Variants in GRID2 observed in about 807,000 individuals in gnomAD.
GRID2 encodes glutamate receptor ionotropic, delta-2.
GRID2 carries 33 observed loss-of-function variants against 114.8 expected under a neutral mutation model. That is an observed-to-expected ratio of 0.29 (90% CI 0.22 to 0.38). GRID2 has a LOEUF of 0.38. Among genes scored for constraint, GRID2 ranks in the 10% least tolerant of loss-of-function variants. The pLI, the probability that GRID2 is intolerant of heterozygous loss-of-function variation, is 1.00. For synonymous variants in GRID2, 505 were observed against 449.9 expected (o/e 1.12, Z -1.55); for missense variants, 1,184 against 1,257.7 (o/e 0.94, Z 0.89).
chr4:93,286,557 C>T (rs1386848368), intron 8 of GRID2, among the ~76,000 whole-genome samples: 2 of 152,044 alleles, frequency 1.3e-5, no homozygotes, highest in African/African-American at 4.8e-5. Context: ...AAGCCTCACT[C>T]ACCAACAAAC....
chr4:92,365,414 G>A (rs1194167918), intron 1 of GRID2, among the ~76,000 whole-genome samples: 1 of 151,956 alleles, frequency 6.6e-6, no homozygotes, highest in African/African-American at 2.4e-5. Flanking sequence ...TCATTTATGT[G>A]TGGAATTTAA....
chr4:93,051,483 T>C (rs1351654138), intron 2 of GRID2, among the ~76,000 whole-genome samples: 2 of 152,140 alleles, frequency 1.3e-5, no homozygotes, highest in East Asian at 3.9e-4. Flanking sequence ...TTCCTTTTTA[T>C]CAGATGCTCT....
At chr4:92,565,605 T>TATA (rs1438320095) in intron 1 of GRID2, among the ~76,000 whole-genome samples, 1 of 151,990 alleles carries the variant, frequency 6.6e-6, no homozygotes, top group African/African-American at 2.4e-5. Context: ...ATAGCTAGAC[T>TATA]ATAATCTCTT....
chr4:93,742,292 C>T (rs1031266358), intron 14 of GRID2, among the ~76,000 whole-genome samples: 8 of 152,184 alleles, frequency 5.3e-5, no homozygotes, highest in African/African-American at 1.9e-4. Flanking sequence ...GCTTTGTCCT[C>T]ATGGATTAAG....
intron 1 of GRID2, among the ~76,000 whole-genome samples, chr4:92,493,127 C>CAAAAA (rs1043809824): frequency 2.1e-4 from 10 of 48,408 alleles, no homozygotes; most frequent in Non-Finnish European, 3.8e-4. Context: ...GACTCCATCT[C>CAAAAA]AAAAAAAAAA....
intron 2 of GRID2, among the ~76,000 whole-genome samples, chr4:92,743,266 G>C (rs1256602586): frequency 6.6e-6 from 1 of 152,160 alleles, no homozygotes; most frequent in East Asian, 1.9e-4. Flanking sequence ...AACAGAATGA[G>C]ACCCTGTCTC....
At chr4:93,548,709 G>A (rs1230304583) in intron 13 of GRID2, among the ~76,000 whole-genome samples, 1 of 152,124 alleles carries the variant, frequency 6.6e-6, no homozygotes, top group Non-Finnish European at 1.5e-5. Context: ...AGAAAGGGCA[G>A]AACTATCCAA....
intron 2 of GRID2, among the ~76,000 whole-genome samples, chr4:93,032,213 A>T (rs891546507): frequency 6.6e-6 from 1 of 152,148 alleles, no homozygotes; most frequent in African/African-American, 2.4e-5. Flanking sequence ...CATCTCAATT[A>T]TAAGTTATAT....
At chr4:92,457,442 G>T (rs1389819625) in intron 1 of GRID2, among the ~76,000 whole-genome samples, 1 of 152,066 alleles carries the variant, frequency 6.6e-6, no homozygotes, top group Non-Finnish European at 1.5e-5. Flanking sequence ...TGTATAGAAT[G>T]AATGAATAAA....
chr4:93,680,333 G>A (rs1407128880), intron 14 of GRID2, among the ~76,000 whole-genome samples: 6 of 151,862 alleles, frequency 4.0e-5, no homozygotes, highest in African/African-American at 7.3e-5. Flanking sequence ...ATTCACAGCC[G>A]AATTCTACCA....
At chr4:93,676,753 C>CAA (rs1240505682) in intron 14 of GRID2, among the ~76,000 whole-genome samples, 1,181 of 114,064 alleles carry the variant, frequency 0.01, 20 homozygotes, top group African/African-American at 0.036. Context: ...AAAGATATTA[C>CAA]AAAAAAAAAA....
intron 1 of GRID2, among the ~76,000 whole-genome samples, chr4:92,549,173 C>A (rs754373481): frequency 4.0e-5 from 6 of 150,270 alleles, no homozygotes; most frequent in Non-Finnish European, 4.4e-5. Context: ...AATAGATGAG[C>A]TTTAATGAGA....
chr4:92,529,523 C>T (rs1329207140), intron 1 of GRID2, among the ~76,000 whole-genome samples: 1 of 152,022 alleles, frequency 6.6e-6, no homozygotes, highest in African/African-American at 2.4e-5. Context: ...TAGGAATTAT[C>T]AGGTACAAAG....
intron 2 of GRID2, among the ~76,000 whole-genome samples, chr4:92,744,642 A>G (rs1303697682): frequency 6.6e-6 from 1 of 152,062 alleles, no homozygotes; most frequent in African/African-American, 2.4e-5. Context: ...ACTGCCCTAG[A>G]AAGTGCCTTG....
intron 13 of GRID2, among the ~76,000 whole-genome samples, chr4:93,604,876 G>A: frequency 6.6e-6 from 1 of 152,160 alleles, no homozygotes; most frequent in East Asian, 1.9e-4. Flanking sequence ...TGATGCCATT[G>A]CACACTTAAT....
At chr4:92,535,523 T>C (rs1284406676) in intron 1 of GRID2, among the ~76,000 whole-genome samples, 1 of 152,068 alleles carries the variant, frequency 6.6e-6, no homozygotes, top group East Asian at 1.9e-4. Flanking sequence ...TGTACTAAGG[T>C]AGCACTCAAA....
intron 2 of GRID2, among the ~76,000 whole-genome samples, chr4:92,956,173 TAAC>T (rs1752395614): frequency 1.3e-5 from 2 of 152,300 alleles, no homozygotes; most frequent in Non-Finnish European, 2.9e-5. Context: ...CATCTGTCAT[TAAC>T]AACATCTTCC....
At position 92,896,485 on chromosome 4, in the gene GRID2, G is replaced by A. The variant is rs959895017; in HGVS notation, c.245-188510G>A. 1.9e-3 allele frequency among the ~76,000 whole-genome samples: 286 copies of A among 151,730 alleles called. 1 individual carries two copies. The highest frequency in any genetic ancestry group is 6.6e-3 in the African/African-American group (274 of 41,396). ...AATTTTCACTAGTGCAGGAATTCTG[G>A]TAACCTGATCATATATATCTATCTT... On this transcript the variant is annotated intron_variant, in intron 2 of 15. Transcript: ENST00000282020.
chr4:93,798,663 G>A (rs1231552929), intron 1 of GRID2, among the ~76,000 whole-genome samples: 1 of 152,194 alleles, frequency 6.6e-6, no homozygotes, highest in Non-Finnish European at 1.5e-5. Context: ...AAGCAGAAGT[G>A]CTCTTATGTG....
Sources: gnomAD v4.1 joint callset for allele counts (sites outside exome capture counted in the v4.1 genomes callset) on GRCh38, gnomAD v4.1.1 for gene constraint, MANE v1.5 for transcripts, NCBI Gene and HGNC (gene_info 2026-07-23, HGNC 2026-07-21) for gene names.